The following MCM9 variants were observed in gnomAD, a reference collection of about 807,000 sequenced individuals.
The protein encoded by MCM9 is minichromosome maintenance 9 homologous recombination repair factor, also known as DNA helicase MCM9.
A neutral mutation model predicts 72.8 loss-of-function variants in MCM9; 55 were observed. The observed-to-expected ratio is 0.76, with a 90% CI of 0.61 to 0.95. MCM9 has a LOEUF of 0.95. MCM9 is among the 40% of genes least tolerant of loss of function. The pLI, the probability that MCM9 is intolerant of heterozygous loss-of-function variation, is 0.00. For missense variants in MCM9, 1,279 were observed against 1,377.0 expected (o/e 0.93, Z 1.13); for synonymous variants, 480 against 503.4 (o/e 0.95, Z 0.62).
intron 8 of MCM9, chr6:118,893,956 G>A (rs1779144749): frequency 4.2e-6 from 4 of 948,882 alleles, no homozygotes; most frequent in Non-Finnish European, 5.0e-6. Context: ...CCGCGGCCAC[G>A]CCCCCTCCGC....
chr6:118,896,173 T>C (rs1779397510), intron 8 of MCM9, among the ~76,000 whole-genome samples: 1 of 152,090 alleles, frequency 6.6e-6, no homozygotes, highest in Non-Finnish European at 1.5e-5. Flanking sequence ...ATTTTTCTTA[T>C]TACTCTGAAG....
At chr6:118,927,684 C>T (rs1782013706) in intron 3 of MCM9, among the ~76,000 whole-genome samples, 1 of 151,690 alleles carries the variant, frequency 6.6e-6, no homozygotes, top group Admixed American at 6.6e-5. Flanking sequence ...TGAAGTCTTA[C>T]ATAATATAAA....
intron 8 of MCM9, among the ~76,000 whole-genome samples, chr6:118,869,599 C>CAAAAAAAAAAAAA: frequency 6.9e-5 from 4 of 58,298 alleles, no homozygotes; most frequent in Non-Finnish European, 9.8e-5. Context: ...AAAGGATTTA[C>CAAAAAAAAAAAAA]AAAAAAAAAA....
chr6:118,858,144 C>T (rs1228938288), intron 8 of MCM9, among the ~76,000 whole-genome samples: 1 of 152,044 alleles, frequency 6.6e-6, no homozygotes, highest in Non-Finnish European at 1.5e-5. Flanking sequence ...TCCAACAATA[C>T]ATAAAAGGAT....
At chr6:118,828,795 T>C (rs1368122466) in intron 10 of MCM9, among the ~76,000 whole-genome samples, 1 of 152,226 alleles carries the variant, frequency 6.6e-6, no homozygotes, top group African/African-American at 2.4e-5. Context: ...GGTTGTCCCC[T>C]TTCATCATAA....
chr6:118,855,414 C>T (rs761437370), intron 9 of MCM9, among the ~76,000 whole-genome samples: 14 of 152,148 alleles, frequency 9.2e-5, no homozygotes, highest in Non-Finnish European at 1.6e-4. Context: ...ATGCCTGAAA[C>T]ATAGCAGGTC....
At chr6:118,824,077 A>AGTC (rs1774005058) in intron 13 of MCM9, among the ~76,000 whole-genome samples, 1 of 107,318 alleles carries the variant, frequency 9.3e-6, no homozygotes, top group Non-Finnish European at 1.7e-5. Context: ...TTTTAGACAG[A>AGTC]GTCTCTCTCT....
chr6:118,932,396 G>T lies in MCM9; in HGVS notation c.-16+211C>A, dbSNP rs752131497. On this transcript the variant is annotated intron_variant, in intron 2 of 13. Transcript: ENST00000619706. Reference sequence around the variant, plus strand: ...TATTTATTTTACATAATATATGTAAGAGGCCACATTCCATACACACACATT... The same window carrying T: ...TATTTATTTTACATAATATATGTAATAGGCCACATTCCATACACACACATT... 4.1e-4 allele frequency among the ~76,000 whole-genome samples: 63 copies of T among 152,162 alleles called. 1 individual carries two copies. Among genetic ancestry groups the T allele is most frequent in the Non-Finnish European group, 7.4e-4 (50 of 68,018 alleles).
rs559047267 is a variant in MCM9, at chr6:118,861,023, A to G, written c.1151-4478T>C. ...TTGGCTCACACTACTACCGGCCCAG[A>G]TCTCATGTCTGCCAATGGCAAGCCA... On this transcript the variant is annotated intron_variant, in intron 8 of 13. Coordinates refer to ENST00000619706, the MANE Select transcript of MCM9 (RefSeq NM_017696.3). Among the ~76,000 whole-genome samples, 221 of 152,284 alleles carry G rather than the reference A, an allele frequency of 1.5e-3. 1 individual carries two copies. Among genetic ancestry groups the G allele is most frequent in the African/African-American group, 5.2e-3 (217 of 41,556 alleles).
chr6:118,833,282 A>G (rs1282041379), intron 9 of MCM9, among the ~76,000 whole-genome samples: 1 of 152,208 alleles, frequency 6.6e-6, no homozygotes, highest in East Asian at 1.9e-4. Flanking sequence ...CAATGAAGAC[A>G]TCTCAGAAAT....
Position 118,889,994 on chromosome 6 carries a change from T to C in MCM9, c.1150+21656A>G, listed in dbSNP as rs192905653. On this transcript the variant is annotated intron_variant, in intron 8 of 13. Transcript: ENST00000619706. Reference sequence around the variant, plus strand: ...AGACATGGAAACCTTATAAAAAGTATAAGGATGCATTCCAGGATGTGTAGC... The same window carrying C: ...AGACATGGAAACCTTATAAAAAGTACAAGGATGCATTCCAGGATGTGTAGC... Among the ~76,000 whole-genome samples the C allele has an allele frequency of 2.5e-3, 379 of 152,280 alleles. 3 individuals carry two copies. Among genetic ancestry groups the C allele is most frequent in the African/African-American group, 8.0e-3 (331 of 41,570 alleles).
chr6:118,914,375 C>A (rs981397451), intron 6 of MCM9, among the ~76,000 whole-genome samples: 1 of 152,198 alleles, frequency 6.6e-6, no homozygotes, highest in Non-Finnish European at 1.5e-5. Flanking sequence ...GGAATTCCAA[C>A]AAGCCATTCC....
chr6:118,931,914 T>C (rs1325008031), intron 2 of MCM9, among the ~76,000 whole-genome samples, 176 bp from the exon 3 acceptor site: 1 of 152,248 alleles, frequency 6.6e-6, no homozygotes, highest in African/African-American at 2.4e-5. Flanking sequence ...ACAGTACATG[T>C]ACTTCAAAAA....
At chr6:118,883,185 T>C (rs915393560) in intron 8 of MCM9, among the ~76,000 whole-genome samples, 2 of 147,960 alleles carry the variant, frequency 1.4e-5, no homozygotes, top group Non-Finnish European at 3.0e-5. Flanking sequence ...AAATGTACAA[T>C]AACTGAAACA....
At chr6:118,831,224 C>T (rs952939832) in intron 9 of MCM9, among the ~76,000 whole-genome samples, 2 of 151,646 alleles carry the variant, frequency 1.3e-5, no homozygotes, top group Non-Finnish European at 2.9e-5. Context: ...CGGTGGTACA[C>T]ACCTGTGGTT....
intron 8 of MCM9, among the ~76,000 whole-genome samples, chr6:118,880,910 C>T (rs1778245534): frequency 6.6e-6 from 1 of 152,128 alleles, no homozygotes; most frequent in African/African-American, 2.4e-5. Context: ...CAGTGCATGC[C>T]TGAAAGTGTG....
At position 118,826,878 on chromosome 6, in the gene MCM9, A is replaced by G; in HGVS notation, c.1733-14T>C. ...GGCGAGCATGAGCTAAGAAAACAAA[A>G]CACATTTGTTTTTTAGGAATATTTG... On this transcript the variant is annotated splice_polypyrimidine_tract_variant and intron_variant, in intron 11 of 13. Transcript: ENST00000619706. 6.5e-7 allele frequency: 1 copy of G among 1,542,492 alleles called. No homozygotes were observed. The highest frequency in any genetic ancestry group is 8.8e-7 in the Non-Finnish European group (1 of 1,141,952).
chr6:118,826,862 G>C lies in MCM9; in HGVS notation c.1735C>G (p.His579Asp), dbSNP rs1465633292. The change falls in exon 12 of 14, where the codon CAT becomes GAT. Residue 579 changes from histidine to aspartate, a missense_variant and splice_region_variant. Coordinates refer to ENST00000619706, the MANE Select transcript of MCM9 (RefSeq NM_017696.3). ...GTATCACGAAACATCAGGCGAGCAT[G>C]AGCTAAGAAAACAAAACACATTTGT... ...LESLIRLAEA[H>D]ARLMFRDTVT... 6.5e-7 allele frequency: 1 copy of C among 1,548,658 alleles called. No individual in the cohort carries two copies. Among genetic ancestry groups the C allele is most frequent in the Non-Finnish European group, 8.7e-7 (1 of 1,146,448 alleles).
At position 118,917,570 on chromosome 6, in the gene MCM9, G is replaced by A; in HGVS notation, c.895C>T (p.Pro299Ser). The change falls in exon 6 of 14, where the codon CCC (proline) becomes TCC (serine). Residue 299 changes from proline (P) to serine (S), a missense_variant. By Grantham distance (74) the Pro-to-Ser change is moderately conservative (BLOSUM62 -1). Coordinates refer to ENST00000619706, the MANE Select transcript of MCM9 (RefSeq NM_017696.3). ...GCCCTTAAACACAAACCTGCAAAGG[G>A]ATCGCTCTTATAGTATTCCCAAAAA... ...EDFWEYYKSD[P>S]FAGRNVILAS... 3.1e-6 allele frequency: 5 copies of A among 1,614,036 alleles called. No homozygotes were observed. The highest frequency in any genetic ancestry group is 4.2e-6 in the Non-Finnish European group (5 of 1,179,966).
Sources: gnomAD v4.1 joint callset for allele counts (sites outside exome capture counted in the v4.1 genomes callset) on GRCh38, gnomAD v4.1.1 for gene constraint, MANE v1.5 for transcripts, NCBI Gene and HGNC (gene_info 2026-07-23, HGNC 2026-07-21) for gene names.